The following AUTS2 variants were observed in gnomAD, a reference collection of about 807,000 sequenced individuals.
AUTS2 encodes activator of transcription and developmental regulator AUTS2.
In AUTS2, 17 loss-of-function variants were observed where a neutral mutation model predicts 112.4. That is an observed-to-expected ratio of 0.15 (90% CI 0.10 to 0.23). AUTS2 has a LOEUF of 0.23. Among genes scored for constraint, AUTS2 ranks in the 10% least tolerant of loss-of-function variants. AUTS2 has a pLI of 1.00. For missense variants in AUTS2, 1,510 were observed against 1,701.6 expected, an observed-to-expected ratio of 0.89 and a Z score of 1.98; for synonymous variants, 751 against 702.7, an observed-to-expected ratio of 1.07 and a Z score of -1.09.
intron 4 of AUTS2, among the ~76,000 whole-genome samples, chr7:70,231,469 G>T (rs959895063): frequency 1.1e-4 from 17 of 152,034 alleles, no homozygotes; most frequent in Non-Finnish European, 2.4e-4. Flanking sequence ...TTGAGACAGA[G>T]TCTCACTCTG....
chr7:70,292,836 C>T (rs950750280), intron 4 of AUTS2: 1 of 152,210 alleles, frequency 6.6e-6, no homozygotes, highest in Non-Finnish European at 1.5e-5. Flanking sequence ...CAGAGACTCT[C>T]GCCAACCCCT....
intron 4 of AUTS2, among the ~76,000 whole-genome samples, chr7:70,273,419 T>C (rs1417209847): frequency 6.6e-6 from 1 of 152,146 alleles, no homozygotes; most frequent in Non-Finnish European, 1.5e-5. Context: ...TCTTCAGACA[T>C]ACATAATAAA....
chr7:70,421,781 T>C (rs1287853972), intron 4 of AUTS2, among the ~76,000 whole-genome samples: 1 of 152,232 alleles, frequency 6.6e-6, no homozygotes, highest in Admixed American at 6.5e-5. Context: ...ATTATTGTAA[T>C]TGCAGCATTC....
chr7:70,785,086 T>TC (rs1791360567), intron 16 of AUTS2, 67 bp downstream of exon 16: 1 of 1,546,904 alleles, frequency 6.5e-7, no homozygotes, highest in Non-Finnish European at 8.9e-7. Flanking sequence ...TTTACCATGC[T>TC]CCCGCTGCAC....
intron 4 of AUTS2, among the ~76,000 whole-genome samples, chr7:70,368,341 A>G (rs1188724632): frequency 6.6e-6 from 1 of 152,178 alleles, no homozygotes; most frequent in African/African-American, 2.4e-5. Context: ...AAGAGAGGGA[A>G]AGGATGATGC....
At chr7:69,669,244 G>A (rs1796205370) in intron 1 of AUTS2, among the ~76,000 whole-genome samples, 1 of 151,990 alleles carries the variant, frequency 6.6e-6, no homozygotes, top group Non-Finnish European at 1.5e-5. Context: ...TTTTGGACAT[G>A]TATCTTCCCA....
intron 2 of AUTS2, among the ~76,000 whole-genome samples, chr7:70,004,554 G>A (rs954390226): frequency 6.6e-6 from 1 of 150,580 alleles, no homozygotes; most frequent in African/African-American, 2.4e-5. Flanking sequence ...ATGCAAAATT[G>A]ATTAGCAAAG....
At chr7:70,492,705 G>A (rs1220628182) in intron 5 of AUTS2, among the ~76,000 whole-genome samples, 1 of 152,168 alleles carries the variant, frequency 6.6e-6, no homozygotes, top group South Asian at 2.1e-4. Flanking sequence ...TGTATAGAGA[G>A]TCACTGTGAA....
intron 4 of AUTS2, among the ~76,000 whole-genome samples, chr7:70,225,726 A>C (rs1326009574): frequency 6.6e-6 from 1 of 152,226 alleles, no homozygotes; most frequent in African/African-American, 2.4e-5. Context: ...AAGGAAGATT[A>C]TGGTACTTGA....
chr7:69,656,353 T>G (rs1364360425), intron 1 of AUTS2, among the ~76,000 whole-genome samples: 1 of 152,236 alleles, frequency 6.6e-6, no homozygotes, highest in African/African-American at 2.4e-5. Context: ...AGGTTCCTGA[T>G]GCTCCTTGGA....
intron 2 of AUTS2, among the ~76,000 whole-genome samples, chr7:70,044,498 A>G (rs1172013333): frequency 6.6e-6 from 1 of 152,186 alleles, no homozygotes; most frequent in Non-Finnish European, 1.5e-5. Context: ...AGTAAATAAT[A>G]TAATCCAGCG....
chr7:70,462,065 A>C (rs1242697289), intron 5 of AUTS2, among the ~76,000 whole-genome samples: 3 of 152,180 alleles, frequency 2.0e-5, no homozygotes, highest in African/African-American at 7.2e-5. Flanking sequence ...CAGCCTGGCC[A>C]ACATGGTGAA....
chr7:69,958,102 G>A (rs1217537981), intron 2 of AUTS2, among the ~76,000 whole-genome samples: 1 of 152,158 alleles, frequency 6.6e-6, no homozygotes, highest in Non-Finnish European at 1.5e-5. Context: ...CTTCACCAGA[G>A]TATTTATAGA....
intron 1 of AUTS2, among the ~76,000 whole-genome samples, chr7:69,755,504 T>TA (rs1318315651): frequency 6.6e-6 from 1 of 152,052 alleles, no homozygotes; most frequent in Non-Finnish European, 1.5e-5. Context: ...GTTTAATAAT[T>TA]AGAATTCTCA....
At chr7:69,992,590 G>A (rs1377735529) in intron 2 of AUTS2, among the ~76,000 whole-genome samples, 1 of 152,164 alleles carries the variant, frequency 6.6e-6, no homozygotes, top group Non-Finnish European at 1.5e-5. Context: ...AGGTGTAGTG[G>A]CTCATGTCCA....
chr7:69,931,112 T>TACACACACACAC (rs58190258), intron 2 of AUTS2, among the ~76,000 whole-genome samples: 17 of 148,996 alleles, frequency 1.1e-4, no homozygotes, highest in African/African-American at 3.9e-4. Context: ...ATTTTGGATT[T>TACACACACACAC]ACACACACAC....
chr7:69,742,111 C>CT (rs752148406), intron 1 of AUTS2, among the ~76,000 whole-genome samples: 3,145 of 125,664 alleles, frequency 0.025, 99 homozygotes, highest in East Asian at 0.07. Context: ...CCTATTTTAC[C>CT]TTTTTTTTTT....
At chr7:70,771,887 T>C (rs1790369250) in intron 11 of AUTS2, among the ~76,000 whole-genome samples, 1 of 152,244 alleles carries the variant, frequency 6.6e-6, no homozygotes, top group South Asian at 2.1e-4. Context: ...TAAGATTTCT[T>C]GTGCTCTTCA....
intron 4 of AUTS2, among the ~76,000 whole-genome samples, chr7:70,215,643 G>C (rs1484421900): frequency 1.3e-5 from 2 of 152,142 alleles, no homozygotes; most frequent in Non-Finnish European, 2.9e-5. Flanking sequence ...GAGCTCTTTG[G>C]GGGTGAAATG....
Sources: gnomAD v4.1 joint callset for allele counts (sites outside exome capture counted in the v4.1 genomes callset) on GRCh38, gnomAD v4.1.1 for gene constraint, MANE v1.5 for transcripts, NCBI Gene and HGNC (gene_info 2026-07-23, HGNC 2026-07-21) for gene names.